The following ATP8A2 variants were observed in gnomAD, a reference collection of about 807,000 sequenced individuals.
The protein encoded by ATP8A2 is phospholipid-transporting ATPase IB.
ATP8A2 carries 100 observed loss-of-function variants against 165.6 expected under a neutral mutation model. That is an observed-to-expected ratio of 0.60 (90% CI 0.51 to 0.71). ATP8A2 has a LOEUF of 0.71. ATP8A2 is among the 30% of genes least tolerant of loss of function. The probability of loss-of-function intolerance (pLI) is 0.00; values close to 1 mark genes in which losing one functional copy is unlikely to be tolerated. For missense variants in ATP8A2, 1,227 were observed against 1,479.5 expected, an observed-to-expected ratio of 0.83 and a Z score of 2.80; for synonymous variants, 543 against 548.8, an observed-to-expected ratio of 0.99 and a Z score of 0.15.
chr13:25,657,710 G>A (rs975786848), intron 24 of ATP8A2, among the ~76,000 whole-genome samples: 2 of 152,180 alleles, frequency 1.3e-5, no homozygotes, highest in South Asian at 2.1e-4. Flanking sequence ...TTTTACTCTA[G>A]AATCTTTGGG....
chr13:25,386,791 AT>A (rs1313706395), intron 1 of ATP8A2, among the ~76,000 whole-genome samples: 1 of 152,050 alleles, frequency 6.6e-6, no homozygotes, highest in African/African-American at 2.4e-5. Context: ...AGGTCAGGAG[AT>A]CGAGACCAAT....
chr13:25,940,056 C>T (rs549506836), intron 33 of ATP8A2, among the ~76,000 whole-genome samples: 17 of 152,166 alleles, frequency 1.1e-4, no homozygotes, highest in African/African-American at 3.1e-4. Context: ...CCTCAGTCCT[C>T]GGGAGCGTGA....
intron 2 of ATP8A2, among the ~76,000 whole-genome samples, chr13:25,502,332 C>G (rs1040897136): frequency 2.6e-5 from 4 of 152,156 alleles, no homozygotes; most frequent in Non-Finnish European, 4.4e-5. Context: ...TAGTTTAATT[C>G]AGATAAATCC....
intron 24 of ATP8A2, among the ~76,000 whole-genome samples, chr13:25,657,744 T>C (rs2041964936): frequency 6.6e-6 from 1 of 152,248 alleles, no homozygotes; most frequent in Admixed American, 6.5e-5. Context: ...GATGACCTTG[T>C]TAAAACATAT....
At chr13:25,385,378 CA>C (rs2033002678) in intron 1 of ATP8A2, among the ~76,000 whole-genome samples, 1 of 152,206 alleles carries the variant, frequency 6.6e-6, no homozygotes, top group South Asian at 2.1e-4. Flanking sequence ...CTAATTCGCT[CA>C]GCCTCACTTT....
chr13:25,614,212 C>T (rs2040763666), intron 24 of ATP8A2, among the ~76,000 whole-genome samples: 1 of 152,008 alleles, frequency 6.6e-6, no homozygotes, highest in South Asian at 2.1e-4. Context: ...TTCTTGGAGG[C>T]TTTGTTCATT....
chr13:25,417,992 G>A (rs1054912144), intron 1 of ATP8A2, among the ~76,000 whole-genome samples: 3 of 152,170 alleles, frequency 2.0e-5, no homozygotes, highest in African/African-American at 7.2e-5. Flanking sequence ...TGCTAATGCT[G>A]TAAGCTTCAG....
At chr13:25,421,163 A>G (rs919562311) in intron 1 of ATP8A2, among the ~76,000 whole-genome samples, 1 of 152,244 alleles carries the variant, frequency 6.6e-6, no homozygotes, top group Non-Finnish European at 1.5e-5. Context: ...ATCATTTCGC[A>G]TAGAGTATTC....
intron 24 of ATP8A2, among the ~76,000 whole-genome samples, chr13:25,627,298 T>C (rs2041126415): frequency 6.6e-6 from 1 of 152,036 alleles, no homozygotes; most frequent in Non-Finnish European, 1.5e-5. Context: ...GGAAAGACCA[T>C]GCCATGCAGG....
intron 1 of ATP8A2, among the ~76,000 whole-genome samples, chr13:25,388,388 G>A (rs187277651): frequency 1.7e-4 from 26 of 152,216 alleles, no homozygotes; most frequent in African/African-American, 5.3e-4. Context: ...TTATTCAGCC[G>A]GGAGCTTTGG....
chr13:25,437,302 C>A (rs1449920015), intron 1 of ATP8A2, among the ~76,000 whole-genome samples: 1 of 152,136 alleles, frequency 6.6e-6, no homozygotes, highest in Non-Finnish European at 1.5e-5. Context: ...TCAAAGATGC[C>A]TTAAGTCAAA....
intron 35 of ATP8A2, among the ~76,000 whole-genome samples, chr13:25,979,778 G>A (rs1956140815): frequency 6.6e-6 from 1 of 152,172 alleles, no homozygotes; most frequent in South Asian, 2.1e-4. Flanking sequence ...GCTCCTGGGA[G>A]GAAAATGAAC....
At chr13:25,994,051 T>A (rs187903877) in intron 35 of ATP8A2, among the ~76,000 whole-genome samples, 2 of 152,282 alleles carry the variant, frequency 1.3e-5, no homozygotes, top group African/African-American at 4.8e-5. Flanking sequence ...GTTTTGTAAA[T>A]GTTTTGCTCT....
chr13:25,813,672 A>G (rs978047784), intron 27 of ATP8A2, among the ~76,000 whole-genome samples: 4 of 151,676 alleles, frequency 2.6e-5, no homozygotes, highest in Non-Finnish European at 4.4e-5. Flanking sequence ...GGTTCTAGCC[A>G]TGTGTCCCCA....
At chr13:25,559,401 A>G (rs4770845) in intron 14 of ATP8A2, among the ~76,000 whole-genome samples, 88,529 of 151,956 alleles carry the variant, frequency 0.58, 26,857 homozygotes, top group Non-Finnish European at 0.64. Flanking sequence ...GCATTGTGGC[A>G]TGTGCCTGTA....
At position 25,372,312 on chromosome 13, in the gene ATP8A2, G is replaced by A. The variant is rs2032433132; in HGVS notation, c.76+24G>A. ...GGGTGAGCTGGGAGGGGCGCGGCGA[G>A]GGAGGGTGGGCCCGGGGCGGGGGCG... On this transcript the variant is annotated intron_variant, in intron 1 of 36. Transcript: ENST00000381655. This position sits in a 1 kb window ranked among gnomAD's most constrained non-coding sequence, Gnocchi z 4.8. 2 of 1,452,690 alleles carry A rather than the reference G, an allele frequency of 1.4e-6. No individual in the cohort carries two copies. The highest frequency in any genetic ancestry group is 9.1e-7 in the Non-Finnish European group (1 of 1,096,522). 90.0% of individuals were successfully genotyped at this position (1,452,690 alleles called of 1,614,324 possible).
chr13:25,858,154 A>C (rs995763458), intron 30 of ATP8A2, among the ~76,000 whole-genome samples: 4 of 152,226 alleles, frequency 2.6e-5, no homozygotes, highest in Non-Finnish European at 4.4e-5. Context: ...CAGGCATTTA[A>C]AAGTGTTGCA....
At chr13:25,633,882 G>A (rs1344748791) in intron 24 of ATP8A2, among the ~76,000 whole-genome samples, 1 of 151,884 alleles carries the variant, frequency 6.6e-6, no homozygotes, top group South Asian at 2.1e-4. Context: ...AGGCTAAGGT[G>A]GGAGAATGGC....
At position 25,400,274 on chromosome 13, in the gene ATP8A2, A is replaced by G. The variant is rs546873714; in HGVS notation, c.76+27986A>G. Among the ~76,000 whole-genome samples, 18 of 152,354 alleles carry G rather than the reference A, an allele frequency of 1.2e-4. No individual in the cohort carries two copies. The South Asian group carries it at 3.1e-3, about 26-fold the overall frequency. On this transcript the variant is annotated intron_variant, in intron 1 of 36. Coordinates refer to ENST00000381655, the MANE Select transcript of ATP8A2 (RefSeq NM_016529.6). ...CATTCCACATAAATGACTTATCTGG[A>G]TAACTAAAGTTTATCTCTCCAAATG...
Sources: allele counts gnomAD v4.1 joint callset (sites outside exome capture counted in the v4.1 genomes callset), GRCh38; gene constraint gnomAD v4.1.1; non-coding constraint Gnocchi (gnomAD v3.1); transcripts MANE v1.5; gene names NCBI Gene and HGNC (gene_info 2026-07-23, HGNC 2026-07-21).